Variants in RNF169 observed in about 807,000 individuals in gnomAD.
The protein encoded by RNF169 is ring finger protein 169, also known as E3 ubiquitin-protein ligase RNF169.
Under a neutral mutation model 53.9 loss-of-function variants are expected in RNF169, and 24 were observed. The ratio of observed to expected loss-of-function variants is 0.45; its 90% confidence interval spans 0.32 to 0.63. The LOEUF is 0.63. Ranked by LOEUF, RNF169 falls within the 20% of genes least tolerant of loss-of-function variation. The pLI is 0.04. For missense variants in RNF169, 883 were observed against 906.2 expected, an observed-to-expected ratio of 0.97 and a Z score of 0.33; for synonymous variants, 396 against 363.5, an observed-to-expected ratio of 1.09 and a Z score of -1.02.
At chr11:74,781,903 A>G (rs891706705) in intron 1 of RNF169, among the ~76,000 whole-genome samples, 2 of 152,178 alleles carry the variant, frequency 1.3e-5, no homozygotes, top group Admixed American at 6.5e-5. Flanking sequence ...GCACCTTCCC[A>G]TAGAGTCATT....
At chr11:74,784,404 G>T (rs2035458801) in intron 1 of RNF169, among the ~76,000 whole-genome samples, 2 of 152,212 alleles carry the variant, frequency 1.3e-5, no homozygotes, top group African/African-American at 4.8e-5. Context: ...TCAATACGTA[G>T]TTGTATTCTG....
chr11:74,801,377 C>T (rs576754483), intron 2 of RNF169, among the ~76,000 whole-genome samples: 2 of 152,120 alleles, frequency 1.3e-5, no homozygotes, highest in African/African-American at 4.8e-5. Flanking sequence ...CTATAGAAGC[C>T]GTAGCTGTTA....
chr11:74,822,045 T>C (rs1055783282), intron 4 of RNF169, among the ~76,000 whole-genome samples: 3 of 142,614 alleles, frequency 2.1e-5, no homozygotes, highest in East Asian at 2.0e-4. Flanking sequence ...GAGAGAGAGG[T>C]GTGTGTGTGT....
At chr11:74,807,611 C>A (rs1488828333) in intron 2 of RNF169, 2 of 152,030 alleles carry the variant, frequency 1.3e-5, no homozygotes, top group African/African-American at 4.8e-5. Context: ...GAATTAAGAC[C>A]ATTGAGTCTT....
rs935506403 is a variant in RNF169, at chr11:74,834,573, T to C, written c.843-103T>C. ...TATTGTAGCTGCCCAAGGGAATTCT[T>C]TCCTGGTGAGTGGCTTAGAAAGCAA... On this transcript the variant is annotated intron_variant, in intron 4 of 5. Transcript: ENST00000299563. 1.9e-5 allele frequency: 12 copies of C among 643,428 alleles called. No individual in the cohort carries two copies. In the Admixed American group the frequency reaches 3.4e-4, roughly 18 times the overall value. 39.9% of individuals were successfully genotyped at this position (643,428 alleles called of 1,614,324 possible).
chr11:74,780,607 A>G (rs1270833423), intron 1 of RNF169, among the ~76,000 whole-genome samples: 1 of 152,158 alleles, frequency 6.6e-6, no homozygotes, highest in Non-Finnish European at 1.5e-5. Flanking sequence ...TACTTTAAAA[A>G]ATGGTTTTAA....
At chr11:74,788,063 A>T (rs1398584198) in intron 1 of RNF169, among the ~76,000 whole-genome samples, 1 of 152,162 alleles carries the variant, frequency 6.6e-6, no homozygotes, top group African/African-American at 2.4e-5. Flanking sequence ...TACTCTGGCA[A>T]ATTTAATCAG....
chr11:74,817,667 G>C lies in RNF169; in HGVS notation c.795G>C (p.Ser265=). ...SRGQMTQTHR[S]AFVSKNNSYS... ...GCCAGATGACACAGACACATCGCTC[G>C]GCATTTGTTTCCAAGAACAACTCCT... The change falls in exon 4 of 6, where the codon TCG becomes TCC. Residue 265 remains serine (S), a synonymous_variant. Transcript: ENST00000299563. 6.2e-7 allele frequency: 1 copy of C among 1,613,906 alleles called. No individual in the cohort carries two copies. Among genetic ancestry groups the C allele is most frequent in the Non-Finnish European group, 8.5e-7 (1 of 1,179,848 alleles).
chr11:74,813,983 C>T (rs2035909502), intron 3 of RNF169, among the ~76,000 whole-genome samples: 1 of 152,084 alleles, frequency 6.6e-6, no homozygotes, highest in Admixed American at 6.6e-5. Context: ...AGCCACTGCG[C>T]CCGGCCTAGA....
In RNF169 at chr11:74,840,893, G is replaced by A. The variant is rs577333745; in HGVS notation, c.*4163G>A. The A allele has an allele frequency of 2.0e-5, 3 of 148,918 alleles. No homozygotes were observed. The highest frequency in any genetic ancestry group is 2.1e-4 in the South Asian group (1 of 4,664). The allele number at this position is 148,918 out of a possible 1,614,324, so 9.2% of individuals were successfully genotyped here. A position where few individuals can be genotyped will look rare whatever the true frequency, so the allele number is the denominator to read the frequency against. On this transcript the variant is annotated 3_prime_UTR_variant, in exon 6 of 6. Transcript: ENST00000299563. ...AAATAATCATTAAAGTTTGACACAC[G>A]CAGACACACGCACCAATGATGGGGA...
chr11:74,749,231 G>A lies in RNF169; in HGVS notation c.351G>A (p.Arg117=). 4 of 1,079,152 alleles carry A rather than the reference G, an allele frequency of 3.7e-6. No homozygotes were observed. The highest frequency in any genetic ancestry group is 4.5e-6 in the Non-Finnish European group (4 of 892,758). 66.8% of individuals were successfully genotyped at this position (1,079,152 alleles called of 1,614,324 possible). A position where few individuals can be genotyped will look rare whatever the true frequency, so the allele number is the denominator to read the frequency against. The change falls in exon 1 of 6, where the codon CGG becomes CGA. Residue 117 remains arginine (R), a synonymous_variant. Coordinates refer to ENST00000299563, the MANE Select transcript of RNF169 (RefSeq NM_001098638.2). ...GCGGCCCAGGCTGGGCCCGCCGTCG[G>A]GCCCGCGACGACGGCCAGGCCGACT... ...RARGPGWARR[R]ARDDGQADSE...
At chr11:74,766,182 T>C (rs1455903873) in intron 1 of RNF169, among the ~76,000 whole-genome samples, 7 of 152,222 alleles carry the variant, frequency 4.6e-5, no homozygotes. Flanking sequence ...ACATGGCAGC[T>C]GACTCAAGAA....
At chr11:74,788,228 C>G (rs1323753001) in intron 1 of RNF169, among the ~76,000 whole-genome samples, 4 of 151,956 alleles carry the variant, frequency 2.6e-5, no homozygotes, top group African/African-American at 9.7e-5. Flanking sequence ...CCTAATGTAT[C>G]ATCAATATTT....
intron 2 of RNF169, among the ~76,000 whole-genome samples, chr11:74,805,926 C>T (rs886960651): frequency 2.0e-5 from 3 of 151,866 alleles, no homozygotes; most frequent in Admixed American, 6.6e-5. Flanking sequence ...TTGGTATATG[C>T]GGGGTCCTGG....
At chr11:74,805,039 T>C (rs2035785428) in intron 2 of RNF169, among the ~76,000 whole-genome samples, 1 of 152,220 alleles carries the variant, frequency 6.6e-6, no homozygotes, top group African/African-American at 2.4e-5. Flanking sequence ...CACTTGTAGC[T>C]ATTTAGCCAA....
At chr11:74,777,611 A>T (rs1235433392) in intron 1 of RNF169, among the ~76,000 whole-genome samples, 2 of 150,780 alleles carry the variant, frequency 1.3e-5, no homozygotes, top group African/African-American at 4.9e-5. Context: ...CTCTACTCTT[A>T]TACCTGCTTT....
intron 1 of RNF169, among the ~76,000 whole-genome samples, chr11:74,767,826 T>TTCGTA (rs1417788597): frequency 6.6e-6 from 1 of 152,000 alleles, no homozygotes. Context: ...ATCCGCCCAC[T>TTCGTA]TCGGCCTCCC....
At chr11:74,803,595 G>A (rs1471350086) in intron 2 of RNF169, among the ~76,000 whole-genome samples, 1 of 152,160 alleles carries the variant, frequency 6.6e-6, no homozygotes, top group Non-Finnish European at 1.5e-5. Flanking sequence ...ATTATAATCA[G>A]AATTTTCACT....
At chr11:74,817,863 A>G in intron 4 of RNF169, 149 bp downstream of exon 4, 2 of 648,798 alleles carry the variant, frequency 3.1e-6, no homozygotes, top group Non-Finnish European at 5.5e-6. Context: ...TCAAATATGG[A>G]CTAGGGAAAA....
Sources: allele counts gnomAD v4.1 joint callset (sites outside exome capture counted in the v4.1 genomes callset), GRCh38; gene constraint gnomAD v4.1.1; transcripts MANE v1.5; gene names NCBI Gene and HGNC (gene_info 2026-07-23, HGNC 2026-07-21).